PARD3B: variants seen among roughly 807,000 people sequenced by gnomAD.
PARD3B encodes partitioning defective 3 homolog B.
Under a neutral mutation model 130.2 loss-of-function variants are expected in PARD3B, and 103 were observed. The observed-to-expected ratio is 0.79, with a 90% confidence interval of 0.67 to 0.93. The LOEUF is 0.93. Among genes scored for constraint, PARD3B ranks in the 40% least tolerant of loss-of-function variants. PARD3B has a pLI of 0.00. For synonymous variants in PARD3B, 583 were observed against 553.2 expected, an observed-to-expected ratio of 1.05 and a Z score of -0.76; for missense variants, 1,609 against 1,499.2, an observed-to-expected ratio of 1.07 and a Z score of -1.21.
intron 2 of PARD3B, among the ~76,000 whole-genome samples, chr2:204,867,467 C>G (rs367965656): frequency 6.6e-6 from 1 of 152,078 alleles, no homozygotes; most frequent in East Asian, 1.9e-4. Flanking sequence ...TAACTTTTTG[C>G]AAAACATGAC....
At chr2:205,436,018 G>A (rs1316614941) in intron 19 of PARD3B, among the ~76,000 whole-genome samples, 1 of 152,132 alleles carries the variant, frequency 6.6e-6, no homozygotes, top group Admixed American at 6.6e-5. Context: ...AGATCAAGGT[G>A]CCATCAGGTT....
intron 3 of PARD3B, among the ~76,000 whole-genome samples, chr2:204,990,766 G>A (rs1234454084): frequency 6.6e-6 from 1 of 151,898 alleles, no homozygotes; most frequent in Non-Finnish European, 1.5e-5. Flanking sequence ...TGAATATTTT[G>A]TATCTTATTT....
chr2:204,610,754 C>G lies in PARD3B; in HGVS notation c.120+64635C>G, dbSNP rs2033891753. ...AGAAGGAGAAACATCATCTCCCCAC[C>G]TCTGAGCACCCTAAGAACAAATACA... On this transcript the variant is annotated intron_variant, in intron 1 of 22. Transcript: ENST00000406610. The surrounding 1 kb of genome is among the most constrained non-coding windows in gnomAD (Gnocchi z 4.1). 6.6e-6 allele frequency among the ~76,000 whole-genome samples: 1 copy of G among 152,184 alleles called. No individual in the cohort carries two copies. Among genetic ancestry groups the G allele is most frequent in the Non-Finnish European group, 1.5e-5 (1 of 68,034 alleles).
At chr2:204,940,333 G>A (rs933494695) in intron 2 of PARD3B, among the ~76,000 whole-genome samples, 7 of 152,184 alleles carry the variant, frequency 4.6e-5, no homozygotes, top group South Asian at 2.1e-4. Flanking sequence ...GGAAGAGGTG[G>A]TGATCTGAGA....
intron 18 of PARD3B, among the ~76,000 whole-genome samples, chr2:205,314,517 T>A (rs2042496988): frequency 6.6e-6 from 1 of 152,204 alleles, no homozygotes; most frequent in African/African-American, 2.4e-5. Flanking sequence ...AGATGGTTCC[T>A]AATGAAGCAA....
At chr2:204,998,960 G>T (rs1694594982) in intron 3 of PARD3B, among the ~76,000 whole-genome samples, 1 of 152,128 alleles carries the variant, frequency 6.6e-6, no homozygotes, top group South Asian at 2.1e-4. Context: ...GATCCAAAGT[G>T]CTGGGATTAC....
chr2:205,304,496 G>A (rs577796443), intron 18 of PARD3B, among the ~76,000 whole-genome samples: 7 of 152,022 alleles, frequency 4.6e-5, no homozygotes, highest in Non-Finnish European at 1.0e-4. Context: ...TTAGCCGGGC[G>A]TGGTGGTGCA....
At position 205,450,452 on chromosome 2, in the gene PARD3B, T is replaced by A. The variant is rs184706132; in HGVS notation, c.3044+9780T>A. Among the ~76,000 whole-genome samples the A allele has an allele frequency of 4.1e-3, 614 of 149,676 alleles. 7 individuals carry two copies. The highest frequency in any genetic ancestry group is 0.015 in the African/African-American group (588 of 40,514). On this transcript the variant is annotated intron_variant, in intron 20 of 22. Transcript: ENST00000406610. ...ATGAAAGGCAAGAAAACTTAAAAAA[T>A]TTAAGTGCAGATTCTTTTTTTTTTT... is the stretch of plus-strand genomic sequence containing the variant.
At chr2:204,805,538 G>A (rs554852064) in intron 2 of PARD3B, among the ~76,000 whole-genome samples, 1 of 152,148 alleles carries the variant, frequency 6.6e-6, no homozygotes, top group South Asian at 2.1e-4. Context: ...TAAAGGAGGA[G>A]GGAATACTTC....
chr2:204,682,203 G>A (rs748481971), intron 1 of PARD3B, among the ~76,000 whole-genome samples: 29 of 152,048 alleles, frequency 1.9e-4, no homozygotes, highest in Non-Finnish European at 2.9e-4. Flanking sequence ...GGATAGAAAT[G>A]GACCTGATTC....
At chr2:205,599,878 T>G (rs928615246) in intron 22 of PARD3B, among the ~76,000 whole-genome samples, 5 of 152,196 alleles carry the variant, frequency 3.3e-5, no homozygotes, top group African/African-American at 1.2e-4. Context: ...GTAACTTTAT[T>G]CTGTTATCAA....
chr2:204,757,973 A>G (rs1248482264), intron 2 of PARD3B, among the ~76,000 whole-genome samples: 1 of 152,182 alleles, frequency 6.6e-6, no homozygotes, highest in Non-Finnish European at 1.5e-5. Context: ...GTTATCTGTG[A>G]GGTAACAAAC....
intron 2 of PARD3B, among the ~76,000 whole-genome samples, chr2:204,847,388 A>C (rs1285939144): frequency 6.6e-6 from 1 of 152,186 alleles, no homozygotes; most frequent in Non-Finnish European, 1.5e-5. Context: ...CATGAAAAAA[A>C]CTGGAGAGTT....
Position 205,378,396 on chromosome 2 carries a change from G to C in PARD3B, c.2631-22617G>C, listed in dbSNP as rs1393960284. Among the ~76,000 whole-genome samples the C allele has an allele frequency of 2.0e-5, 3 of 152,162 alleles. No individual in the cohort carries two copies. In the East Asian group the frequency reaches 5.8e-4, roughly 29 times the overall value. ...CCTGTTGTCAGCCACCTCCCTAAGG[G>C]AAACAGAGGTGGAAGGGAAAAAAGA... is the stretch of plus-strand genomic sequence containing the variant. On this transcript the variant is annotated intron_variant, in intron 18 of 22. Coordinates refer to ENST00000406610, the MANE Select transcript of PARD3B (RefSeq NM_001302769.2).
chr2:204,546,070 G>A lies in PARD3B; in HGVS notation c.71G>A (p.Gly24Asp), dbSNP rs770415796. Residue 24 changes from glycine to aspartate, a missense_variant, in exon 1 of 23, where the codon GGC becomes GAC. Coordinates refer to ENST00000406610, the MANE Select transcript of PARD3B (RefSeq NM_001302769.2). ...TGCAAGGAGGGCCAGCTGCGCGTCG[G>A]CGAGCTCACCCAGCAGGCGCTGCAG... is the stretch of plus-strand genomic sequence containing the variant. ...VPCKEGQLRV[G>D]ELTQQALQRY... 1.9e-6 allele frequency: 3 copies of A among 1,560,440 alleles called. No individual in the cohort carries two copies. The highest frequency in any genetic ancestry group is 1.2e-5 in the South Asian group (1 of 85,006).
rs2040578299 is a variant in PARD3B at position 205,268,023 on chromosome 2, T to G, written c.2185+22201T>G. 6.6e-6 allele frequency among the ~76,000 whole-genome samples: 1 copy of G among 152,234 alleles called. No individual in the cohort carries two copies. Among genetic ancestry groups the G allele is most frequent in the South Asian group, 2.1e-4 (1 of 4,836 alleles). ...TTGGTTATTAATCAAGTTCTTAGGC[T>G]AAACTTCAGGCCTTCTCTCATCCCA... On this transcript the variant is annotated intron_variant, in intron 16 of 22. Coordinates refer to ENST00000406610, the MANE Select transcript of PARD3B (RefSeq NM_001302769.2). The surrounding 1 kb of genome is among the most constrained non-coding windows in gnomAD (Gnocchi z 4.1).
rs1048247410 is a variant in PARD3B, at chr2:205,274,514, T to C, written c.2186-26016T>C. ...TTAAACATTAATTATTAAATATGAA[T>C]AGTATTAAATGTGTGGTACATTGCT... On this transcript the variant is annotated intron_variant, in intron 16 of 22. Coordinates refer to ENST00000406610, the MANE Select transcript of PARD3B (RefSeq NM_001302769.2). This position sits in a 1 kb window ranked among gnomAD's most constrained non-coding sequence, Gnocchi z 4.2. Among the ~76,000 whole-genome samples, 4 of 137,244 alleles carry C rather than the reference T, an allele frequency of 2.9e-5. No individual in the cohort carries two copies. Among genetic ancestry groups the C allele is most frequent in the African/African-American group, 1.1e-4 (4 of 37,106 alleles). 90.0% of individuals were successfully genotyped at this position (137,244 alleles called of 152,430 possible). A position where few individuals can be genotyped will look rare whatever the true frequency, so the allele number is the denominator to read the frequency against.
chr2:205,415,365 T>C (rs906498136), intron 19 of PARD3B, among the ~76,000 whole-genome samples: 4 of 152,124 alleles, frequency 2.6e-5, no homozygotes, highest in African/African-American at 9.7e-5. Flanking sequence ...AGTAAAGCCT[T>C]GCCGAGAAAG....
At chr2:204,650,940 GA>G (rs2035455797) in intron 1 of PARD3B, among the ~76,000 whole-genome samples, 2 of 152,036 alleles carry the variant, frequency 1.3e-5, no homozygotes, top group South Asian at 4.1e-4. Flanking sequence ...CAGACAACCA[GA>G]TCTCAGGATA....
Sources: gnomAD v4.1 joint callset for allele counts (sites outside exome capture counted in the v4.1 genomes callset) on GRCh38, gnomAD v4.1.1 for gene constraint, Gnocchi (gnomAD v3.1) non-coding constraint, MANE v1.5 for transcripts, NCBI Gene and HGNC (gene_info 2026-07-23, HGNC 2026-07-21) for gene names.